Variants in DAB1 observed in about 807,000 individuals in gnomAD.
The protein encoded by DAB1 is DAB adaptor protein 1.
Under a neutral mutation model 64.6 loss-of-function variants are expected in DAB1, and 15 were observed. That is an observed-to-expected ratio of 0.23 (90% CI 0.16 to 0.36). DAB1 has a LOEUF of 0.36. Ranked by LOEUF, DAB1 falls within the 10% of genes least tolerant of loss-of-function variation. The pLI, the probability that DAB1 is intolerant of heterozygous loss-of-function variation, is 1.00. For missense variants in DAB1, 596 were observed against 706.7 expected (o/e 0.84, Z 1.78); for synonymous variants, 235 against 251.9 (o/e 0.93, Z 0.64).
chr1:57,017,951 C>T (rs1007604011), intron 11 of DAB1, among the ~76,000 whole-genome samples: 1 of 152,004 alleles, frequency 6.6e-6, no homozygotes, highest in Non-Finnish European at 1.5e-5. Context: ...GGGTGTGTTT[C>T]GGTTGTCACA....
chr1:58,377,280 G>T (rs1185059108), intron 3 of DAB1, among the ~76,000 whole-genome samples: 1 of 145,894 alleles, frequency 6.9e-6, no homozygotes, highest in Non-Finnish European at 1.5e-5. Context: ...AGTCTCGATG[G>T]TCTTTACATT....
intron 7 of DAB1, among the ~76,000 whole-genome samples, chr1:57,553,894 T>G (rs1644956748): frequency 6.6e-6 from 1 of 151,704 alleles, no homozygotes; most frequent in Non-Finnish European, 1.5e-5. Flanking sequence ...GTGAAGTGTT[T>G]AGGGGAGGTT....
At chr1:57,007,008 C>T (rs1646094807) in intron 14 of DAB1, among the ~76,000 whole-genome samples, 1 of 151,956 alleles carries the variant, frequency 6.6e-6, no homozygotes, top group African/African-American at 2.4e-5. Flanking sequence ...TTCTTCCCTT[C>T]CCTCCCTACC....
At chr1:57,746,507 A>G (rs1192684154) in intron 6 of DAB1, among the ~76,000 whole-genome samples, 4 of 152,132 alleles carry the variant, frequency 2.6e-5, no homozygotes, top group African/African-American at 9.7e-5. Flanking sequence ...CCTTATGTGA[A>G]TTGCCTGTAC....
At chr1:57,345,785 A>G (rs1570332577) in intron 1 of DAB1, among the ~76,000 whole-genome samples, 1 of 152,214 alleles carries the variant, frequency 6.6e-6, no homozygotes, top group African/African-American at 2.4e-5. Context: ...ACGGCCCTGC[A>G]ATTACTGCCG....
intron 7 of DAB1, among the ~76,000 whole-genome samples, chr1:57,465,661 C>A (rs59914221): frequency 0.041 from 6,296 of 152,248 alleles, 206 homozygotes; most frequent in East Asian, 0.18. Context: ...TAAGAAGATG[C>A]ATTTTGTTTT....
At chr1:57,405,728 C>T (rs989899620) in intron 1 of DAB1, among the ~76,000 whole-genome samples, 2 of 152,182 alleles carry the variant, frequency 1.3e-5, no homozygotes, top group African/African-American at 2.4e-5. Flanking sequence ...AAACACCTGG[C>T]CCTTGTAAGC....
At chr1:57,996,562 G>A (rs181553866) in intron 5 of DAB1, among the ~76,000 whole-genome samples, 153 of 152,146 alleles carry the variant, frequency 1.0e-3, no homozygotes, top group African/African-American at 3.4e-3. Flanking sequence ...ATCCTTTCTG[G>A]TTTATCTAAG....
At chr1:57,295,685 C>T (rs1673140381) in intron 1 of DAB1, among the ~76,000 whole-genome samples, 2 of 152,042 alleles carry the variant, frequency 1.3e-5, no homozygotes, top group Non-Finnish European at 2.9e-5. Flanking sequence ...AACCAGATAA[C>T]ATGGAAGTTG....
chr1:57,424,853 C>G (rs1240277154), upstream of DAB1, among the ~76,000 whole-genome samples: 1 of 152,166 alleles, frequency 6.6e-6, no homozygotes. Context: ...CCTGAGAGCA[C>G]GCAGACCACG....
intron 6 of DAB1, among the ~76,000 whole-genome samples, chr1:57,810,066 A>G (rs72664689): frequency 0.075 from 11,362 of 152,102 alleles, 666 homozygotes; most frequent in Admixed American, 0.21. Flanking sequence ...TGAGTTTCCA[A>G]CTCAGTTGCC....
intron 5 of DAB1, among the ~76,000 whole-genome samples, chr1:58,142,744 G>T (rs995456998): frequency 1.3e-5 from 2 of 152,172 alleles, no homozygotes; most frequent in Non-Finnish European, 2.9e-5. Context: ...ATGCTTCAAG[G>T]CCTTGCTCAG....
At chr1:57,242,839 A>G (rs546435844) in intron 2 of DAB1, among the ~76,000 whole-genome samples, 1 of 152,336 alleles carries the variant, frequency 6.6e-6, no homozygotes, top group South Asian at 2.1e-4. Flanking sequence ...ATTTCAAAAC[A>G]TATTTAAAGA....
chr1:57,991,942 C>T (rs1008667242), intron 5 of DAB1, among the ~76,000 whole-genome samples: 1 of 147,626 alleles, frequency 6.8e-6, no homozygotes, highest in East Asian at 2.1e-4. Context: ...TTGAGAAGGT[C>T]AAGTCAAGGA....
chr1:57,701,891 T>C (rs1646912703), intron 6 of DAB1, among the ~76,000 whole-genome samples: 1 of 152,130 alleles, frequency 6.6e-6, no homozygotes, highest in Non-Finnish European at 1.5e-5. Flanking sequence ...CTCTGATAAA[T>C]TTCTGAATTG....
intron 7 of DAB1, among the ~76,000 whole-genome samples, chr1:57,541,738 T>A (rs1644805664): frequency 6.6e-6 from 1 of 152,208 alleles, no homozygotes; most frequent in South Asian, 2.1e-4. Context: ...GTAATGAACA[T>A]TTGTTGACCC....
At chr1:57,510,504 T>G (rs1049685267) in intron 7 of DAB1, among the ~76,000 whole-genome samples, 1 of 152,162 alleles carries the variant, frequency 6.6e-6, no homozygotes. Context: ...TGCTAATGAT[T>G]CCCAAGTTTA....
intron 2 of DAB1, among the ~76,000 whole-genome samples, chr1:57,243,148 G>A (rs1437016089): frequency 6.6e-6 from 1 of 152,102 alleles, no homozygotes; most frequent in Non-Finnish European, 1.5e-5. Flanking sequence ...TATCTACCCA[G>A]CTAAATGGAA....
At chr1:57,357,908 G>C (rs1461065381) in intron 1 of DAB1, among the ~76,000 whole-genome samples, 1 of 151,822 alleles carries the variant, frequency 6.6e-6, no homozygotes, top group Non-Finnish European at 1.5e-5. Flanking sequence ...TGGGGATTAC[G>C]GGAACTACAA....
Sources: gnomAD v4.1 joint callset for allele counts (sites outside exome capture counted in the v4.1 genomes callset) on GRCh38, gnomAD v4.1.1 for gene constraint, MANE v1.5 for transcripts, NCBI Gene and HGNC (gene_info 2026-07-23, HGNC 2026-07-21) for gene names.